CFAP61: variants seen among roughly 807,000 people sequenced by gnomAD.
The protein encoded by CFAP61 is cilia and flagella associated protein 61.
Under a neutral mutation model 135.6 loss-of-function variants are expected in CFAP61, and 107 were observed. That is an observed-to-expected ratio of 0.79 (90% CI 0.67 to 0.93). The LOEUF (loss-of-function observed/expected upper bound fraction) is 0.93. Among genes scored for constraint, CFAP61 ranks in the 40% least tolerant of loss-of-function variants. The pLI is 0.00. For missense variants in CFAP61, 1,507 were observed against 1,556.2 expected (o/e 0.97, Z 0.53); for synonymous variants, 575 against 578.5 (o/e 0.99, Z 0.09).
At chr20:20,165,680 A>G (rs1193832851) in intron 11 of CFAP61, among the ~76,000 whole-genome samples, 5 of 152,062 alleles carry the variant, frequency 3.3e-5, no homozygotes, top group Admixed American at 1.3e-4. Flanking sequence ...GATGGAGTGG[A>G]AGGCTCTAGG....
chr20:20,302,844 C>T (rs1014123986), intron 25 of CFAP61, among the ~76,000 whole-genome samples: 8 of 152,116 alleles, frequency 5.3e-5, no homozygotes, highest in East Asian at 3.9e-4. Context: ...GCATTCTTAC[C>T]ATGAATGGAT....
chr20:20,064,037 C>CG (rs1314191224), intron 2 of CFAP61, among the ~76,000 whole-genome samples: 2 of 121,760 alleles, frequency 1.6e-5, no homozygotes, highest in Admixed American at 1.8e-4. Context: ...GAGTAACCGC[C>CG]CCCCACCCCG....
chr20:20,222,371 GCCCACTCTTTGA>G (rs1263135427), intron 17 of CFAP61, among the ~76,000 whole-genome samples: 1 of 152,126 alleles, frequency 6.6e-6, no homozygotes, highest in Non-Finnish European at 1.5e-5. Flanking sequence ...GGCTACCATG[GCCCACTCTTTGA>G]CCCCTGCTAC....
intron 25 of CFAP61, among the ~76,000 whole-genome samples, chr20:20,341,092 C>G (rs1181987214): frequency 6.6e-6 from 1 of 152,174 alleles, no homozygotes; most frequent in Non-Finnish European, 1.5e-5. Flanking sequence ...GGGCAGCTAG[C>G]TCACATCCAG....
intron 7 of CFAP61, among the ~76,000 whole-genome samples, chr20:20,091,589 A>T (rs560083306): frequency 6.6e-6 from 1 of 152,006 alleles, no homozygotes; most frequent in East Asian, 1.9e-4. Context: ...TAAGTATTTC[A>T]ATGTATATTT....
At chr20:20,198,013 G>A (rs2056406073) in intron 16 of CFAP61, among the ~76,000 whole-genome samples, 3 of 152,246 alleles carry the variant, frequency 2.0e-5, no homozygotes, top group South Asian at 2.1e-4. Context: ...TTTATTTAAC[G>A]AAAACCTTTT....
intron 1 of CFAP61, among the ~76,000 whole-genome samples, chr20:20,053,657 G>C (rs1199407819): frequency 6.6e-6 from 1 of 152,164 alleles, no homozygotes; most frequent in Non-Finnish European, 1.5e-5. Flanking sequence ...CAGATTTCTA[G>C]AACTGCAGTC....
At chr20:20,068,805 T>C (rs2045501650) in intron 2 of CFAP61, among the ~76,000 whole-genome samples, 1 of 152,236 alleles carries the variant, frequency 6.6e-6, no homozygotes, top group African/African-American at 2.4e-5. Flanking sequence ...AGTGCAGTGG[T>C]GCCATCTTGG....
At position 20,076,769 on chromosome 20, in the gene CFAP61, A is replaced by G. The variant is rs147129504; in HGVS notation, c.566+1154A>G. ...GATTTACCAGGCATGTAGCAGTGGT[A>G]TGGCATCGTTGTTAAGAGTTTGTAA... On this transcript the variant is annotated intron_variant, in intron 6 of 26. Transcript: ENST00000245957. Among the ~76,000 whole-genome samples the G allele has an allele frequency of 4.2e-3, 646 of 152,350 alleles. 2 individuals are homozygous for G. In the Middle Eastern group the frequency reaches 0.065, roughly 15 times the overall value.
At chr20:20,128,451 C>A (rs920751309) in intron 8 of CFAP61, among the ~76,000 whole-genome samples, 1 of 151,696 alleles carries the variant, frequency 6.6e-6, no homozygotes, top group Non-Finnish European at 1.5e-5. Flanking sequence ...AAACAGACCT[C>A]CAGTTTCTGC....
In CFAP61 at chr20:20,198,866, T is replaced by A. The variant is rs6046723; in HGVS notation, c.1798-902T>A. 5.4e-3 allele frequency among the ~76,000 whole-genome samples: 827 copies of A among 152,324 alleles called. 10 individuals are homozygous for A. Among genetic ancestry groups the A allele is most frequent in the African/African-American group, 0.018 (739 of 41,560 alleles). On this transcript the variant is annotated intron_variant, in intron 16 of 26. Transcript: ENST00000245957. ...TAAACCATCTATTTATTAAAATGCA[T>A]CTACAGTTGTTTTTCTGTCTTTGCT...
At chr20:20,304,274 G>GTGTA (rs2056305284) in intron 25 of CFAP61, among the ~76,000 whole-genome samples, 1 of 145,154 alleles carries the variant, frequency 6.9e-6, no homozygotes. Flanking sequence ...ATCGGTGACT[G>GTGTA]TGTGTGTGTG....
intron 9 of CFAP61, 23 bp from the exon 10 acceptor site, chr20:20,159,347 T>C (rs1328896075): frequency 1.1e-5 from 17 of 1,611,844 alleles, no homozygotes; most frequent in Non-Finnish European, 1.4e-5. Context: ...TTAATTTTCA[T>C]GTTTTGCTGT....
intron 16 of CFAP61, 139 bp from the exon 17 acceptor site, chr20:20,199,629 T>G: frequency 4.9e-6 from 4 of 811,782 alleles, no homozygotes; most frequent in Non-Finnish European, 5.8e-6. Context: ...GAAGAGTATG[T>G]TTGTTTATTT....
At chr20:20,219,235 C>A (rs573848326) in intron 17 of CFAP61, among the ~76,000 whole-genome samples, 1 of 152,242 alleles carries the variant, frequency 6.6e-6, no homozygotes, top group South Asian at 2.1e-4. Flanking sequence ...GGATGCTGCC[C>A]AGTTCATGAA....
chr20:20,292,988 G>A (rs2055110724), intron 24 of CFAP61, among the ~76,000 whole-genome samples: 1 of 152,300 alleles, frequency 6.6e-6, no homozygotes, highest in East Asian at 1.9e-4. Flanking sequence ...GTGGGATAGG[G>A]ACACTGTCGT....
chr20:20,224,329 C>T (rs2048585801), intron 17 of CFAP61, among the ~76,000 whole-genome samples: 1 of 152,102 alleles, frequency 6.6e-6, no homozygotes, highest in Non-Finnish European at 1.5e-5. Flanking sequence ...CCCATCTGAC[C>T]TCCGAATCTT....
chr20:20,205,993 T>TGGG (rs777544517), intron 17 of CFAP61, among the ~76,000 whole-genome samples: 1 of 150,966 alleles, frequency 6.6e-6, no homozygotes, highest in African/African-American at 2.4e-5. Context: ...GTTTATTTTT[T>TGGG]GGGGTGGGGG....
Position 20,191,362 on chromosome 20 carries a change from A to T in CFAP61, c.1533A>T (p.Ala511=). ...RKDPDGTLLQ[A]FVAEVAEQIV... ...TTCAGGATGGAACACTGCTGCAGGC[A>T]TTTGTAGCTGAAGTTGCAGAACAAA... is the stretch of plus-strand genomic sequence containing the variant. Residue 511 remains alanine, a synonymous_variant, in exon 15 of 27, where the codon GCA becomes GCT. Transcript: ENST00000245957. 6.2e-7 allele frequency: 1 copy of T among 1,613,494 alleles called. No homozygotes were observed. The highest frequency in any genetic ancestry group is 8.5e-7 in the Non-Finnish European group (1 of 1,179,578).
Sources: gnomAD v4.1 joint callset for allele counts (sites outside exome capture counted in the v4.1 genomes callset) on GRCh38, gnomAD v4.1.1 for gene constraint, MANE v1.5 for transcripts, NCBI Gene and HGNC (gene_info 2026-07-23, HGNC 2026-07-21) for gene names.